The following NEK11 variants were observed in gnomAD, a reference collection of about 807,000 sequenced individuals.
The protein encoded by NEK11 is serine/threonine-protein kinase Nek11.
In NEK11, 72 loss-of-function variants were observed where a neutral mutation model predicts 80.7. The ratio of observed to expected loss-of-function variants is 0.89; its 90% CI spans 0.74 to 1.08. The LOEUF (loss-of-function observed/expected upper bound fraction) is 1.08, where lower values mean the gene tolerates loss of function less well. NEK11 is among the 50% of genes least tolerant of loss of function. NEK11 has a pLI of 0.00. For synonymous variants in NEK11, 251 were observed against 260.7 expected, an observed-to-expected ratio of 0.96 and a Z score of 0.36; for missense variants, 764 against 763.6, an observed-to-expected ratio of 1.00 and a Z score of -0.01.
chr3:131,243,403 G>C (rs778363727), intron 15 of NEK11, 33 bp from the exon 16 acceptor site: 5 of 1,599,912 alleles, frequency 3.1e-6, no homozygotes, highest in Admixed American at 1.7e-5. Flanking sequence ...CTACCATACA[G>C]GGAAAATAAA....
At chr3:131,034,558 C>G (rs1051101937) in intron 3 of NEK11, among the ~76,000 whole-genome samples, 2 of 152,296 alleles carry the variant, frequency 1.3e-5, no homozygotes, top group African/African-American at 4.8e-5. Flanking sequence ...CGCCACCACA[C>G]CCGGCTAATT....
chr3:131,321,788 G>A (rs1416948842), intron 17 of NEK11, among the ~76,000 whole-genome samples: 1 of 152,116 alleles, frequency 6.6e-6, no homozygotes, highest in Non-Finnish European at 1.5e-5. Context: ...ACCACAATGA[G>A]ATACCATCTC....
chr3:131,087,171 C>G (rs2076089253), intron 4 of NEK11, among the ~76,000 whole-genome samples: 1 of 150,772 alleles, frequency 6.6e-6, no homozygotes, highest in Non-Finnish European at 1.5e-5. Context: ...GTTTTTACCT[C>G]TGAGATTTTG....
chr3:131,338,174 C>A (rs552982276), intron 17 of NEK11, among the ~76,000 whole-genome samples: 1 of 151,614 alleles, frequency 6.6e-6, no homozygotes, highest in Non-Finnish European at 1.5e-5. Flanking sequence ...ACCATATTGG[C>A]CAGGATGGTC....
intron 16 of NEK11, among the ~76,000 whole-genome samples, chr3:131,268,339 G>T (rs2096105611): frequency 6.6e-6 from 1 of 152,284 alleles, no homozygotes; most frequent in South Asian, 2.1e-4. Flanking sequence ...ATCCTTTGGA[G>T]GGGAAGAGGC....
intron 9 of NEK11, 85 bp from the exon 10 acceptor site, chr3:131,154,951 A>G (rs574996938): frequency 8.5e-6 from 7 of 826,890 alleles, no homozygotes; most frequent in Admixed American, 4.4e-5. Context: ...AAGCACCCCA[A>G]ATCTGAAAAG....
chr3:131,132,071 C>A lies in NEK11; in HGVS notation c.456-674C>A, dbSNP rs1047187949. Among the ~76,000 whole-genome samples, 4 of 151,914 alleles carry A rather than the reference C, an allele frequency of 2.6e-5. 1 individual carries two copies. The highest frequency in any genetic ancestry group is 3.2e-3 in the Middle Eastern group (1 of 316). ...TGTGAGAGCAGAAATGGTATGATTTCTCTTCTTTCAAATTTGTTAATGTTT... is the reference window on the plus strand; with the variant it reads ...TGTGAGAGCAGAAATGGTATGATTTATCTTCTTTCAAATTTGTTAATGTTT... On this transcript the variant is annotated intron_variant, in intron 5 of 17. Coordinates refer to ENST00000383366, the MANE Select transcript of NEK11 (RefSeq NM_024800.5).
chr3:131,112,008 CT>C (rs2149364376), intron 5 of NEK11, among the ~76,000 whole-genome samples: 1 of 152,204 alleles, frequency 6.6e-6, no homozygotes, highest in South Asian at 2.1e-4. Flanking sequence ...GATATAAACA[CT>C]TTTGAGAAAT....
chr3:131,190,555 T>C (rs557155101), intron 14 of NEK11, among the ~76,000 whole-genome samples: 27 of 152,304 alleles, frequency 1.8e-4, no homozygotes, highest in African/African-American at 6.3e-4. Flanking sequence ...CCTTCTGCTA[T>C]GATTTTAAGC....
intron 17 of NEK11, chr3:131,327,846 C>G (rs1002489531): frequency 1.2e-4 from 18 of 151,786 alleles, no homozygotes; most frequent in Admixed American, 1.2e-3. Flanking sequence ...TCTCTACTCT[C>G]TCTCCTATTT....
chr3:131,167,397 A>AC (rs1335316706), intron 12 of NEK11, among the ~76,000 whole-genome samples: 8 of 152,248 alleles, frequency 5.3e-5, no homozygotes, highest in African/African-American at 1.9e-4. Flanking sequence ...TCTTGAAGTT[A>AC]CCATATGGCA....
At position 131,060,886 on chromosome 3, in the gene NEK11, A is replaced by G. The variant is rs1214162175; in HGVS notation, c.171-19537A>G. Among the ~76,000 whole-genome samples, 4 of 152,202 alleles carry G rather than the reference A, an allele frequency of 2.6e-5. No individual in the cohort carries two copies. The East Asian group carries it at 7.7e-4, about 29-fold the overall frequency. ...TGGTCTCCTTGTGGTTTTGATGTGC[A>G]TATCCCTGATAACTAAAGAGACTGA... On this transcript the variant is annotated intron_variant, in intron 3 of 17. Coordinates refer to ENST00000383366, the MANE Select transcript of NEK11 (RefSeq NM_024800.5).
chr3:131,205,901 T>C (rs2094429294), intron 14 of NEK11, among the ~76,000 whole-genome samples: 1 of 152,240 alleles, frequency 6.6e-6, no homozygotes, highest in African/African-American at 2.4e-5. Flanking sequence ...AGTTTTCTTA[T>C]CAGTTTTTCC....
chr3:131,119,354 T>C (rs1454842023), intron 5 of NEK11, among the ~76,000 whole-genome samples: 3 of 152,168 alleles, frequency 2.0e-5, no homozygotes, highest in African/African-American at 7.2e-5. Flanking sequence ...ATAATTTCTG[T>C]TCTTTTACGT....
chr3:131,288,257 C>A (rs1176029172), intron 17 of NEK11, among the ~76,000 whole-genome samples: 1 of 152,118 alleles, frequency 6.6e-6, no homozygotes, highest in Non-Finnish European at 1.5e-5. Flanking sequence ...CTTCCTCCTC[C>A]ACATTGCAAT....
At chr3:131,259,359 G>C (rs770491010) in intron 16 of NEK11, among the ~76,000 whole-genome samples, 46 of 152,150 alleles carry the variant, frequency 3.0e-4, no homozygotes, top group Admixed American at 3.3e-4. Context: ...AAAGAGCTGG[G>C]GATGGACAAG....
chr3:131,323,164 C>A (rs564961706), intron 17 of NEK11, among the ~76,000 whole-genome samples: 2 of 152,294 alleles, frequency 1.3e-5, no homozygotes, highest in South Asian at 4.1e-4. Context: ...GCTCAAAAAT[C>A]ACTCAGCAAA....
rs35567155 is a variant in NEK11 at position 131,152,527 on chromosome 3, A to G, written c.787A>G (p.Ile263Val). 1.8e-4 allele frequency: 287 copies of G among 1,613,124 alleles called. No individual in the cohort carries two copies. Among genetic ancestry groups the G allele is most frequent in the Non-Finnish European group, 2.2e-4 (258 of 1,179,624 alleles). Residue 263 changes from isoleucine (I) to valine (V), a missense_variant, in exon 8 of 18, where the codon ATC becomes GTC. Coordinates refer to ENST00000383366, the MANE Select transcript of NEK11 (RefSeq NM_024800.5). ...PERYPKELNAIMESMLNKNPS... is the reference protein window; with the variant it reads ...PERYPKELNAVMESMLNKNPS... ...GAGATATCCAAAAGAACTAAATGCC[A>G]TCATGGAAAGGTATAGAAATAAACA...
chr3:131,031,964 G>GT (rs71620101), intron 3 of NEK11, among the ~76,000 whole-genome samples: 1,399 of 134,920 alleles, frequency 0.01, 10 homozygotes, highest in African/African-American at 0.02. Flanking sequence ...AAATTAATCA[G>GT]TTTTTTTTTT....
Sources: gnomAD v4.1 joint callset for allele counts (sites outside exome capture counted in the v4.1 genomes callset) on GRCh38, gnomAD v4.1.1 for gene constraint, MANE v1.5 for transcripts, NCBI Gene and HGNC (gene_info 2026-07-23, HGNC 2026-07-21) for gene names.